The following SPTB variants were observed in gnomAD, a reference collection of about 807,000 sequenced individuals.
SPTB encodes the protein spectrin beta chain, erythrocytic.
SPTB carries 45 observed loss-of-function variants against 256.2 expected under a neutral mutation model. That is an observed-to-expected ratio of 0.18 (90% CI 0.14 to 0.23). The LOEUF (loss-of-function observed/expected upper bound fraction) is 0.23, where lower values mean the gene tolerates loss of function less well. Ranked by LOEUF, SPTB falls within the 10% of genes least tolerant of loss-of-function variation. The probability of loss-of-function intolerance (pLI) is 1.00; values close to 1 mark genes in which losing one functional copy is unlikely to be tolerated. For synonymous variants in SPTB, 1,231 were observed against 1,243.1 expected, an observed-to-expected ratio of 0.99 and a Z score of 0.21; for missense variants, 2,715 against 3,040.4, an observed-to-expected ratio of 0.89 and a Z score of 2.52.
chr14:64,820,172 C>A (rs1566785598), intron 2 of SPTB, among the ~76,000 whole-genome samples: 1 of 152,126 alleles, frequency 6.6e-6, no homozygotes, highest in Non-Finnish European at 1.5e-5. Context: ...CCTTAATATT[C>A]CTGTGAGTGG....
intron 1 of SPTB, among the ~76,000 whole-genome samples, chr14:64,833,389 A>G (rs1467094440): frequency 6.6e-6 from 1 of 152,046 alleles, no homozygotes; most frequent in Non-Finnish European, 1.5e-5. Flanking sequence ...AGGCTCTACT[A>G]AAAATACAAA....
chr14:64,782,595 G>A (rs1290710073), intron 19 of SPTB, 42 bp from the exon 20 acceptor site: 1 of 1,610,806 alleles, frequency 6.2e-7, no homozygotes, highest in East Asian at 2.2e-5. Context: ...TGGGCTGACT[G>A]GGCCTTGGAT....
Position 64,823,921 on chromosome 14 carries a change from T to G in SPTB, c.-51-776A>C, listed in dbSNP as rs1364305701. On this transcript the variant is annotated intron_variant, in intron 1 of 35. Transcript: ENST00000644917. This position sits in a 1 kb window ranked among gnomAD's most constrained non-coding sequence, Gnocchi z 6.5. ...GGGCATCCCATGGACAATGGAACCG[T>G]GCATTGTGAGTCCATGTGATGAACC... is the stretch of plus-strand genomic sequence containing the variant. 6.6e-6 allele frequency among the ~76,000 whole-genome samples: 1 copy of G among 152,210 alleles called. No individual in the cohort carries two copies. Among genetic ancestry groups the G allele is most frequent in the Non-Finnish European group, 1.5e-5 (1 of 68,036 alleles).
intron 3 of SPTB, among the ~76,000 whole-genome samples, chr14:64,804,171 G>C (rs942757777): frequency 6.6e-6 from 1 of 152,170 alleles, no homozygotes; most frequent in African/African-American, 2.4e-5. Flanking sequence ...ATTGATAATG[G>C]GTTCATCCCT....
chr14:64,780,671 C>T (rs1264478953), intron 20 of SPTB, among the ~76,000 whole-genome samples: 1 of 152,186 alleles, frequency 6.6e-6, no homozygotes, highest in African/African-American at 2.4e-5. Context: ...CCTTGGCCTC[C>T]CAAAGTGCTG....
chr14:64,801,995 C>T (rs189383748), intron 5 of SPTB, among the ~76,000 whole-genome samples, 161 bp from the exon 6 acceptor site: 2 of 152,180 alleles, frequency 1.3e-5, no homozygotes, highest in African/African-American at 4.8e-5. Flanking sequence ...AGAGGCTCCC[C>T]CATCAGATGT....
Position 64,873,995 on chromosome 14 carries a change from T to C in SPTB, c.-52+5797A>G, listed in dbSNP as rs2139830935. Among the ~76,000 whole-genome samples the C allele has an allele frequency of 6.6e-6, 1 of 152,282 alleles. No individual in the cohort carries two copies. The highest frequency in any genetic ancestry group is 2.1e-4 in the South Asian group (1 of 4,820). On this transcript the variant is annotated intron_variant, in intron 1 of 35. Transcript: ENST00000644917. This position sits in a 1 kb window ranked among gnomAD's most constrained non-coding sequence, Gnocchi z 4.3. ...TCATCTTGTACTGGCTGGGATCTAA[T>C]TCACTTTCTCTTCACTGCCACTGGT...
chr14:64,796,611 C>T lies in SPTB; in HGVS notation c.1287G>A (p.Arg429=). ...KLEQLARRFD[R]KAAMRETWLS... ...GCCAGGTCTCTCTCATTGCGGCCTT[C>T]CGGTCAAAGCGCCGGGCCAGTTGCT... is the stretch of plus-strand genomic sequence containing the variant. Residue 429 remains arginine (R), a synonymous_variant, in exon 11 of 36, where the codon CGG becomes CGA. Coordinates refer to ENST00000644917, the MANE Select transcript of SPTB (RefSeq NM_001355436.2). This position sits in a 1 kb window ranked among gnomAD's most constrained non-coding sequence, Gnocchi z 4.1. The T allele has an allele frequency of 1.2e-6, 2 of 1,614,222 alleles. No individual in the cohort carries two copies. The highest frequency in any genetic ancestry group is 1.7e-6 in the Non-Finnish European group (2 of 1,180,046).
intron 2 of SPTB, among the ~76,000 whole-genome samples, chr14:64,811,850 G>A (rs1196396560): frequency 2.0e-5 from 3 of 152,122 alleles, no homozygotes; most frequent in Non-Finnish European, 4.4e-5. Flanking sequence ...GCAAGGATGT[G>A]GGGAAAAAAC....
Position 64,793,348 on chromosome 14 carries a change from C to T in SPTB, c.2315G>A (p.Gly772Glu), listed in dbSNP as rs141749822. 110 of 1,611,414 alleles carry T rather than the reference C, an allele frequency of 6.8e-5. No homozygotes were observed. Among genetic ancestry groups the T allele is most frequent in the Non-Finnish European group, 8.8e-5 (104 of 1,180,034 alleles). The change falls in exon 14 of 36, where the codon GGG (glycine) becomes GAG (glutamate). Residue 772 changes from glycine (G) to glutamate (E), a missense_variant. Gly to Glu is a moderately conservative substitution (Grantham distance 98, BLOSUM62 -2). Coordinates refer to ENST00000644917, the MANE Select transcript of SPTB (RefSeq NM_001355436.2). This position sits in a 1 kb window ranked among gnomAD's most constrained non-coding sequence, Gnocchi z 7.0. ...AHRLLSGEDV[G>E]QDEGATRALG... ...GGCCCGCGTGGCCCCTTCGTCCTGC[C>T]CCACATCTTCACCAGAGAGCAGCCG...
Position 64,793,513 on chromosome 14 carries a change from C to A in SPTB, c.2150G>T (p.Arg717Leu), listed in dbSNP as rs199594314. The change falls in exon 14 of 36, where the codon CGC becomes CTC. Residue 717 changes from arginine (R) to leucine (L), a missense_variant. Arg to Leu is a moderately radical substitution (Grantham distance 102). Coordinates refer to ENST00000644917, the MANE Select transcript of SPTB (RefSeq NM_001355436.2). The surrounding 1 kb of genome is among the most constrained non-coding windows in gnomAD (Gnocchi z 7.0). ...CCACTGTGCCGACACCTCCTTTATGCGGGCCTCGATCTGCGGGTGCCCAAA... is the reference window on the plus strand; with the variant it reads ...CCACTGTGCCGACACCTCCTTTATGAGGGCCTCGATCTGCGGGTGCCCAAA... ...KQFGHPQIEA[R>L]IKEVSAQWDQ... The A allele has an allele frequency of 6.2e-7, 1 of 1,613,960 alleles. No homozygotes were observed. The highest frequency in any genetic ancestry group is 8.5e-7 in the Non-Finnish European group (1 of 1,180,032).
At chr14:64,752,835 G>C (rs1233036383) in intron 33 of SPTB, among the ~76,000 whole-genome samples, 1 of 152,150 alleles carries the variant, frequency 6.6e-6, no homozygotes, top group Non-Finnish European at 1.5e-5. Context: ...ACCTCCTGGT[G>C]CTGCCCTATT....
chr14:64,834,269 C>T (rs911751158), intron 1 of SPTB, among the ~76,000 whole-genome samples: 4 of 151,842 alleles, frequency 2.6e-5, no homozygotes, highest in African/African-American at 9.7e-5. Context: ...TCAGATGATC[C>T]ACCTGCCTCA....
intron 1 of SPTB, among the ~76,000 whole-genome samples, chr14:64,857,164 A>C (rs1185319939): frequency 6.6e-6 from 1 of 152,148 alleles, no homozygotes; most frequent in Non-Finnish European, 1.5e-5. Context: ...TTGCCATATT[A>C]ATCTATAGCA....
rs563239914 is a variant in SPTB, at chr14:64,810,363, T to C, written c.149-5273A>G. On this transcript the variant is annotated intron_variant, in intron 2 of 35. Coordinates refer to ENST00000644917, the MANE Select transcript of SPTB (RefSeq NM_001355436.2). ...ATTTCATGTGGGTCAAAAATTGAAA[T>C]GTAAAAAATGAAACTATAAAAATAC... Among the ~76,000 whole-genome samples the C allele has an allele frequency of 5.9e-5, 9 of 152,268 alleles. No homozygotes were observed. The East Asian group carries it at 1.5e-3, about 26-fold the overall frequency.
intron 8 of SPTB, among the ~76,000 whole-genome samples, chr14:64,800,390 G>A (rs763571702): frequency 2.6e-5 from 4 of 152,258 alleles, no homozygotes; most frequent in Admixed American, 2.0e-4. Context: ...AATCTGGCAT[G>A]AGGGTCTATA....
intron 4 of SPTB, 50 bp downstream of exon 4, chr14:64,803,557 T>TGG: frequency 6.2e-7 from 1 of 1,610,420 alleles, no homozygotes; most frequent in South Asian, 1.1e-5. Flanking sequence ...TCTAAGGCCC[T>TGG]GGGCAGCCTT....
In SPTB at chr14:64,749,592, G is replaced by C. The variant is rs1022670637; in HGVS notation, c.6819+62C>G. 1 of 1,609,928 alleles carries C rather than the reference G, an allele frequency of 6.2e-7. No individual in the cohort carries two copies. The highest frequency in any genetic ancestry group is 8.5e-7 in the Non-Finnish European group (1 of 1,179,388). On this transcript the variant is annotated intron_variant, in intron 35 of 35. Coordinates refer to ENST00000644917, the MANE Select transcript of SPTB (RefSeq NM_001355436.2). This position sits in a 1 kb window ranked among gnomAD's most constrained non-coding sequence, Gnocchi z 4.7. ...TTCTGAGGGGGCCTCCAGGGCAAGCGGCCTGGGGTCCTCCACCTACCCCCT... is the reference window on the plus strand; with the variant it reads ...TTCTGAGGGGGCCTCCAGGGCAAGCCGCCTGGGGTCCTCCACCTACCCCCT...
At chr14:64,863,014 T>C (rs1288697133) in intron 1 of SPTB, among the ~76,000 whole-genome samples, 1 of 152,216 alleles carries the variant, frequency 6.6e-6, no homozygotes, top group East Asian at 1.9e-4. Context: ...ATACTCTGAC[T>C]TCTCAGAAGC....
Sources: allele counts gnomAD v4.1 joint callset (sites outside exome capture counted in the v4.1 genomes callset), GRCh38; gene constraint gnomAD v4.1.1; non-coding constraint Gnocchi (gnomAD v3.1); transcripts MANE v1.5; gene names NCBI Gene and HGNC (gene_info 2026-07-23, HGNC 2026-07-21).